PTX3: variants seen among roughly 807,000 people sequenced by gnomAD.
PTX3 encodes pentraxin-related protein PTX3.
Under a neutral mutation model 23.5 loss-of-function variants are expected in PTX3, and 24 were observed. That is an observed-to-expected ratio of 1.02 (90% confidence interval 0.74 to 1.43). The LOEUF is 1.43. Ranked by LOEUF, PTX3 falls within the 40% of genes most tolerant of loss-of-function variation. The probability of loss-of-function intolerance (pLI) is 0.00; values close to 1 mark genes in which losing one functional copy is unlikely to be tolerated. For missense variants in PTX3, 510 were observed against 497.5 expected, an observed-to-expected ratio of 1.02 and a Z score of -0.24; for synonymous variants, 218 against 205.4, an observed-to-expected ratio of 1.06 and a Z score of -0.53.
At chr3:157,439,208 TAA>T (rs1733916657) in intron 2 of PTX3, among the ~76,000 whole-genome samples, 1 of 152,212 alleles carries the variant, frequency 6.6e-6, no homozygotes, top group Non-Finnish European at 1.5e-5. Flanking sequence ...GCAAACCACG[TAA>T]AGTCATTGTA....
chr3:157,440,660 G>A (rs1276076151), intron 2 of PTX3, among the ~76,000 whole-genome samples: 1 of 151,632 alleles, frequency 6.6e-6, no homozygotes, highest in African/African-American at 2.4e-5. Context: ...ATGTATATAT[G>A]TGTGTATATA....
chr3:157,441,840 C>A (rs947762114), intron 2 of PTX3, among the ~76,000 whole-genome samples: 1 of 151,130 alleles, frequency 6.6e-6, no homozygotes, highest in African/African-American at 2.4e-5. Context: ...TCTGCAATAA[C>A]ATCACTATCC....
chr3:157,437,537 A>C lies in PTX3; in HGVS notation c.155A>C (p.Glu52Ala), dbSNP rs1272170423. 3 of 1,606,062 alleles carry C rather than the reference A, an allele frequency of 1.9e-6. No homozygotes were observed. Among genetic ancestry groups the C allele is most frequent in the Non-Finnish European group, 2.5e-6 (3 of 1,177,690 alleles). The change falls in exon 2 of 3, where the codon GAG (glutamate) becomes GCG (alanine). Residue 52 changes from glutamate to alanine, a missense_variant. Coordinates refer to ENST00000295927, the MANE Select transcript of PTX3 (RefSeq NM_002852.4). The part of the protein sequence containing the change: ...EDPTPCACGQ[E>A]HSEWDKLFIM... ...GCCACGCCGTGCGCCTGCGGTCAGG[A>C]GCACTCGGAATGGGACAAGCTCTTC...
intron 2 of PTX3, among the ~76,000 whole-genome samples, chr3:157,440,149 A>G (rs58788969): frequency 0.031 from 4,690 of 152,272 alleles, 274 homozygotes; most frequent in African/African-American, 0.11. Context: ...GAAAAGATGT[A>G]CCTAGCAATT....
chr3:157,442,867 A>G lies in PTX3; in HGVS notation c.1034A>G (p.Asn345Ser). Residue 345 changes from asparagine to serine, a missense_variant, in exon 3 of 3, where the codon AAT (asparagine) becomes AGT (serine). By Grantham distance (46) the Asn-to-Ser change is conservative. Transcript: ENST00000295927. ...GFNIWDSVLS[N>S]EEIRETGGAE... ...AATATCTGGGATAGTGTTCTTAGCA[A>G]TGAAGAGATAAGAGAGACCGGAGGA... The G allele has an allele frequency of 6.2e-7, 1 of 1,614,206 alleles. No individual in the cohort carries two copies.
chr3:157,442,347 T>G lies in PTX3; in HGVS notation c.533-19T>G. The G allele has an allele frequency of 6.5e-7, 1 of 1,547,790 alleles. No individual in the cohort carries two copies. Among genetic ancestry groups the G allele is most frequent in the Non-Finnish European group, 8.8e-7 (1 of 1,137,764 alleles). ...TTTATATTTTCTTTAATATTCTTCT[T>G]ATTTTCTTGCTACTCTAGGTTGTGA... On this transcript the variant is annotated intron_variant, in intron 2 of 2. Transcript: ENST00000295927.
rs138818541 is a variant in PTX3 at position 157,442,912 on chromosome 3, G to T, written c.1079G>T (p.Arg360Leu). 1.9e-6 allele frequency: 3 copies of T among 1,613,954 alleles called. No individual in the cohort carries two copies. Among genetic ancestry groups the T allele is most frequent in the South Asian group, 1.1e-5 (1 of 91,080 alleles). Reference protein sequence around the residue: ...ETGGAESCHIRGNIVGWGVTE... With the variant: ...ETGGAESCHILGNIVGWGVTE... ...GGAGGAGCAGAGTCTTGTCACATCCGGGGGAATATTGTTGGGTGGGGAGTC... is the reference window on the plus strand; with the variant it reads ...GGAGGAGCAGAGTCTTGTCACATCCTGGGGAATATTGTTGGGTGGGGAGTC... The change falls in exon 3 of 3, where the codon CGG becomes CTG. Residue 360 changes from arginine to leucine, a missense_variant. Physicochemically the swap from Arg to Leu is moderately radical, Grantham distance 102 (BLOSUM62 -2). Coordinates refer to ENST00000295927, the MANE Select transcript of PTX3 (RefSeq NM_002852.4).
rs775781247 is a variant in PTX3, at chr3:157,437,863, G to A, written c.481G>A (p.Ala161Thr). Residue 161 changes from alanine to threonine, a missense_variant, in exon 2 of 3, where the codon GCC (alanine) becomes ACC (threonine). Coordinates refer to ENST00000295927, the MANE Select transcript of PTX3 (RefSeq NM_002852.4). ...AVLEELRQTR[A>T]DLHAVQGWAA... ...GCTAGAGGAGCTGCGGCAGACGCGAGCCGACCTGCACGCGGTGCAGGGCTG... is the reference window on the plus strand; with the variant it reads ...GCTAGAGGAGCTGCGGCAGACGCGAACCGACCTGCACGCGGTGCAGGGCTG... The A allele has an allele frequency of 1.3e-5, 20 of 1,500,670 alleles. No individual in the cohort carries two copies. Among genetic ancestry groups the A allele is most frequent in the East Asian group, 8.2e-5 (3 of 36,714 alleles). 93.0% of individuals were successfully genotyped at this position (1,500,670 alleles called of 1,614,324 possible).
chr3:157,437,545 G>C lies in PTX3; in HGVS notation c.163G>C (p.Glu55Gln). 1 of 1,606,100 alleles carries C rather than the reference G, an allele frequency of 6.2e-7. No individual in the cohort carries two copies. The highest frequency in any genetic ancestry group is 8.5e-7 in the Non-Finnish European group (1 of 1,177,624). The stretch of plus-strand genomic sequence containing the variant: ...GTGCGCCTGCGGTCAGGAGCACTCG[G>C]AATGGGACAAGCTCTTCATCATGCT... ...TPCACGQEHS[E>Q]WDKLFIMLEN... The change falls in exon 2 of 3, where the codon GAA (glutamate) becomes CAA (glutamine). Residue 55 changes from glutamate to glutamine, a missense_variant. By Grantham distance (29) the Glu-to-Gln change is conservative. Coordinates refer to ENST00000295927, the MANE Select transcript of PTX3 (RefSeq NM_002852.4).
chr3:157,442,808 A>T lies in PTX3; in HGVS notation c.975A>T (p.Glu325Asp). The change falls in exon 3 of 3, where the codon GAA (glutamate) becomes GAT (aspartate). Residue 325 changes from glutamate to aspartate, a missense_variant. By Grantham distance (45) the Glu-to-Asp change is conservative. Transcript: ENST00000295927. ...NGCCVGGGFD[E>D]TLAFSGRLTG... ...GCTGTGTGGGTGGTGGCTTTGATGA[A>T]ACATTAGCCTTCTCTGGGAGACTCA... The T allele has an allele frequency of 6.2e-7, 1 of 1,614,190 alleles. No individual in the cohort carries two copies. The highest frequency in any genetic ancestry group is 2.2e-5 in the East Asian group (1 of 44,882).
At chr3:157,438,123 G>T (rs528614608) in intron 2 of PTX3, among the ~76,000 whole-genome samples, 1 of 151,524 alleles carries the variant, frequency 6.6e-6, no homozygotes, top group Non-Finnish European at 1.5e-5. Flanking sequence ...ATACAAGGCG[G>T]GAAAATTGGC....
chr3:157,440,540 A>G (rs1340930316), intron 2 of PTX3, among the ~76,000 whole-genome samples: 1 of 152,078 alleles, frequency 6.6e-6, no homozygotes, highest in Non-Finnish European at 1.5e-5. Flanking sequence ...AGGTTGTTAT[A>G]CCTGCCCTAA....
intron 2 of PTX3, among the ~76,000 whole-genome samples, 153 bp downstream of exon 2, chr3:157,438,067 A>G (rs536595182): frequency 2.1e-4 from 32 of 150,806 alleles, no homozygotes; most frequent in Non-Finnish European, 4.1e-4. Flanking sequence ...ACACACACAC[A>G]CACACCCCTA....
In PTX3 at chr3:157,442,451, T is replaced by TATGAGGC; in HGVS notation, c.618_619insATGAGGC (p.Phe207MetfsTer4). On this transcript the variant is annotated frameshift_variant, in exon 3 of 3. Coordinates refer to ENST00000295927, the MANE Select transcript of PTX3 (RefSeq NM_002852.4). LOFTEE classifies it high-confidence loss of function. ...CAGTGAGACCAATGAGGCTTGAGTC[T>TATGAGGC]TTTAGTGCCTGCATTTGGGTCAAAG... The TATGAGGC allele has an allele frequency of 2.5e-6, 4 of 1,614,218 alleles. No individual in the cohort carries two copies. The highest frequency in any genetic ancestry group is 3.4e-6 in the Non-Finnish European group (4 of 1,180,038).
In PTX3 at chr3:157,437,841, A is replaced by G. The variant is rs748700289; in HGVS notation, c.459A>G (p.Leu153=). The G allele has an allele frequency of 4.0e-6, 6 of 1,495,460 alleles. No homozygotes were observed. The highest frequency in any genetic ancestry group is 2.5e-5 in the South Asian group (2 of 80,556). 92.6% of individuals were successfully genotyped at this position (1,495,460 alleles called of 1,614,324 possible). The change falls in exon 2 of 3, where the codon CTA becomes CTG. Residue 153 remains leucine, a synonymous_variant. Transcript: ENST00000295927. ...CGGGGCGCGCCCTGGCCGCGGTGCTAGAGGAGCTGCGGCAGACGCGAGCCG... is the reference window on the plus strand; with the variant it reads ...CGGGGCGCGCCCTGGCCGCGGTGCTGGAGGAGCTGCGGCAGACGCGAGCCG... ...EEAGRALAAV[L]EELRQTRADL...
At position 157,437,182 on chromosome 3, in the gene PTX3, C is replaced by G. The variant is rs1733665890; in HGVS notation, c.130+119C>G. ...AGTTAAAAATTTATAGCTTGTTATG[C>G]AAAAGTGAGAAGCACTTGAAGAAAG... On this transcript the variant is annotated intron_variant, in intron 1 of 2. Coordinates refer to ENST00000295927, the MANE Select transcript of PTX3 (RefSeq NM_002852.4). 3.0e-6 allele frequency: 4 copies of G among 1,349,192 alleles called. No homozygotes were observed. The East Asian group carries it at 9.2e-5, about 31-fold the overall frequency. 83.6% of individuals were successfully genotyped at this position (1,349,192 alleles called of 1,614,324 possible).
Position 157,437,197 on chromosome 3 carries a change from C to T in PTX3, c.130+134C>T. 2.4e-6 allele frequency: 3 copies of T among 1,242,300 alleles called. No homozygotes were observed. The South Asian group carries it at 3.9e-5, about 16-fold the overall frequency. The allele number at this position is 1,242,300 out of a possible 1,614,324, so 77.0% of individuals were successfully genotyped here. On this transcript the variant is annotated intron_variant, in intron 1 of 2. Transcript: ENST00000295927. ...GCTTGTTATGCAAAAGTGAGAAGCA[C>T]TTGAAGAAAGATGGAGGTTTCAAAG...
chr3:157,441,062 C>G (rs1468359870), intron 2 of PTX3, among the ~76,000 whole-genome samples: 2 of 152,174 alleles, frequency 1.3e-5, no homozygotes, highest in Non-Finnish European at 2.9e-5. Flanking sequence ...AATGGAAGGG[C>G]CTTTTTTAGA....
In PTX3 at chr3:157,442,955, T is replaced by C. The variant is rs1285015113; in HGVS notation, c.1122T>C (p.His374=). ...GGGGAGTCACAGAGATCCAGCCACA[T>C]GGAGGAGCTCAGTATGTTTCATAAA... ...VGWGVTEIQP[H]GGAQYVS Residue 374 remains histidine (H), a synonymous_variant, in exon 3 of 3, where the codon CAT becomes CAC. Coordinates refer to ENST00000295927, the MANE Select transcript of PTX3 (RefSeq NM_002852.4). 5 of 1,612,282 alleles carry C rather than the reference T, an allele frequency of 3.1e-6. No individual in the cohort carries two copies.
Sources: gnomAD v4.1 joint callset for allele counts (sites outside exome capture counted in the v4.1 genomes callset) on GRCh38, gnomAD v4.1.1 for gene constraint, MANE v1.5 for transcripts, NCBI Gene and HGNC (gene_info 2026-07-23, HGNC 2026-07-21) for gene names.